PLA2G3: variants seen among roughly 807,000 people sequenced by gnomAD.
The protein encoded by PLA2G3 is group 3 secretory phospholipase A2.
In PLA2G3, 39 loss-of-function variants were observed where a neutral mutation model predicts 51.3. The observed-to-expected ratio is 0.76, with a 90% CI of 0.59 to 0.99. PLA2G3 has a LOEUF of 0.99. PLA2G3 is among the 50% of genes least tolerant of loss of function. The pLI, the probability that PLA2G3 is intolerant of heterozygous loss-of-function variation, is 0.00. For missense variants in PLA2G3, 677 were observed against 662.1 expected, an observed-to-expected ratio of 1.02 and a Z score of -0.25; for synonymous variants, 293 against 263.1, an observed-to-expected ratio of 1.11 and a Z score of -1.10.
intron 1 of PLA2G3, 91 bp downstream of exon 1, chr22:31,139,750 G>C: frequency 1.2e-6 from 1 of 845,918 alleles, no homozygotes. Flanking sequence ...ACTCCCCCAG[G>C]GACACACAGC....
chr22:31,137,753 G>A lies in PLA2G3; in HGVS notation c.1023C>T (p.Ala341=), dbSNP rs1922661680. The change falls in exon 4 of 7, where the codon GCC becomes GCT. Residue 341 remains alanine (A), a synonymous_variant. Transcript: ENST00000215885. ...CCTGTGGGCCCTGGAGGCCTGTGGG[G>A]GCCACATCAAGCCTGGGAGAGACCA... The part of the protein sequence containing the change: ...DPMVSPRLDV[A]PTGLQGPQGG... The A allele has an allele frequency of 1.2e-6, 2 of 1,613,328 alleles. No individual in the cohort carries two copies. Among genetic ancestry groups the A allele is most frequent in the Non-Finnish European group, 1.7e-6 (2 of 1,179,832 alleles).
At chr22:31,139,566 G>A (rs1326202925) in intron 1 of PLA2G3, among the ~76,000 whole-genome samples, 2 of 152,132 alleles carry the variant, frequency 1.3e-5, no homozygotes, top group African/African-American at 4.8e-5. Context: ...TTTTGGCTCA[G>A]TTGACCCTGG....
chr22:31,136,578 C>T, intron 6 of PLA2G3, 105 bp downstream of exon 6: 3 of 866,282 alleles, frequency 3.5e-6, no homozygotes, highest in Non-Finnish European at 5.7e-6. Context: ...GCTCAGAGGT[C>T]TCCGGATCCC....
rs1374392149 is a variant in PLA2G3, at chr22:31,138,350, G to A, written c.708C>T (p.Phe236=). The A allele has an allele frequency of 1.2e-6, 2 of 1,614,020 alleles. No individual in the cohort carries two copies. Among genetic ancestry groups the A allele is most frequent in the Admixed American group, 1.7e-5 (1 of 60,020 alleles). Residue 236 remains phenylalanine, a synonymous_variant, in exon 3 of 7, where the codon TTC becomes TTT. Transcript: ENST00000215885. ...DSISDIVGVA[F]FNVLEIPCFV... ...AGCAGGGGATCTCCAGCACGTTGAA[G>A]AAGGCCACGCCCACGATGTCCGAGA...
intron 2 of PLA2G3, 36 bp downstream of exon 2, chr22:31,138,631 T>G: frequency 6.2e-7 from 1 of 1,613,200 alleles, no homozygotes; most frequent in South Asian, 1.1e-5. Flanking sequence ...CTCTGCCCTG[T>G]CCCTGAGCTC....
At chr22:31,137,127 C>T (rs528943788) in intron 4 of PLA2G3, 87 bp from the exon 5 acceptor site, 97 of 1,287,236 alleles carry the variant, frequency 7.5e-5, no homozygotes, top group Non-Finnish European at 9.5e-5. Flanking sequence ...AACACCAGCA[C>T]GTGTGCTCAG....
In PLA2G3 at chr22:31,139,965, C is replaced by A. The variant is rs1208578550; in HGVS notation, c.390G>T (p.Lys130Asn). The change falls in exon 1 of 7, where the codon AAG (lysine) becomes AAT (asparagine). Residue 130 changes from lysine to asparagine, a missense_variant. By Grantham distance (94) the Lys-to-Asn change is moderately conservative. Coordinates refer to ENST00000215885, the MANE Select transcript of PLA2G3 (RefSeq NM_015715.5). Reference protein sequence around the residue: ...ALEESPAGARKKRAAGQSGVP... With the variant: ...ALEESPAGARNKRAAGQSGVP... ...CTCCACTCTGCCCTGCTGCTCGCTTCTTCCTGGCCCCTGCTGGACTCTCCT... is the reference window on the plus strand; with the variant it reads ...CTCCACTCTGCCCTGCTGCTCGCTTATTCCTGGCCCCTGCTGGACTCTCCT... The A allele has an allele frequency of 1.9e-6, 3 of 1,613,948 alleles. No individual in the cohort carries two copies. The highest frequency in any genetic ancestry group is 1.7e-6 in the Non-Finnish European group (2 of 1,180,034).
At chr22:31,136,055 CAG>C in intron 6 of PLA2G3, 119 bp from the exon 7 acceptor site, 1 of 781,010 alleles carries the variant, frequency 1.3e-6, no homozygotes, top group Non-Finnish European at 2.1e-6. Context: ...ACCAGCAAGG[CAG>C]AGAGGGGTGG....
intron 6 of PLA2G3, 44 bp from the exon 7 acceptor site, chr22:31,135,980 G>A: frequency 6.6e-7 from 1 of 1,510,714 alleles, no homozygotes; most frequent in Non-Finnish European, 9.2e-7. Flanking sequence ...GGCTGACAAG[G>A]ATCCCACCTT....
chr22:31,138,458 G>T, intron 2 of PLA2G3, 48 bp from the exon 3 acceptor site: 9 of 1,604,228 alleles, frequency 5.6e-6, no homozygotes, highest in Non-Finnish European at 7.7e-6. Context: ...AGGGCTGTCT[G>T]GCTCCTCCCA....
chr22:31,139,926 C>A lies in PLA2G3; in HGVS notation c.429G>T (p.Gly143=). Residue 143 remains glycine, a synonymous_variant, in exon 1 of 7, where the codon GGG becomes GGT. Transcript: ENST00000215885. Reference sequence around the variant, plus strand: ...TCCATCCTCTCTTCTCTCGCTGGTGCCCTCCACCAGGGACTCCACTCTGCC... The same window carrying A: ...TCCATCCTCTCTTCTCTCGCTGGTGACCTCCACCAGGGACTCCACTCTGCC... The part of the protein sequence containing the change: ...AAGQSGVPGG[G]HQREKRGWTM... 6.2e-7 allele frequency: 1 copy of A among 1,613,786 alleles called. No individual in the cohort carries two copies. The highest frequency in any genetic ancestry group is 8.5e-7 in the Non-Finnish European group (1 of 1,179,860).
At position 31,140,466 on chromosome 22, in the gene PLA2G3, C is replaced by A. The variant is rs1028805467; in HGVS notation, c.-112G>T. 1 of 1,242,556 alleles carries A rather than the reference C, an allele frequency of 8.0e-7. No homozygotes were observed. The allele number at this position is 1,242,556 out of a possible 1,614,324, so 77.0% of individuals were successfully genotyped here. A position where few individuals can be genotyped will look rare whatever the true frequency, so the allele number is the denominator to read the frequency against. On this transcript the variant is annotated 5_prime_UTR_variant, in exon 1 of 7. Transcript: ENST00000215885. ...GAAGCGGAGCCCAGCAGGCCCGGTG[C>A]GGCGGGACCAATGAATGGAGCTGCG...
intron 3 of PLA2G3, 97 bp from the exon 4 acceptor site, chr22:31,138,090 A>G (rs1206742495): frequency 1.9e-5 from 27 of 1,386,114 alleles, no homozygotes; most frequent in Admixed American, 4.9e-5. Context: ...TGCCAGTCCC[A>G]TCCCCCATCC....
Position 31,135,596 on chromosome 22 carries a change from T to C in PLA2G3, c.*127A>G. 1 of 728,016 alleles carries C rather than the reference T, an allele frequency of 1.4e-6. No homozygotes were observed. Among genetic ancestry groups the C allele is most frequent in the Non-Finnish European group, 2.4e-6 (1 of 417,740 alleles). 45.1% of individuals were successfully genotyped at this position (728,016 alleles called of 1,614,324 possible). On this transcript the variant is annotated 3_prime_UTR_variant, in exon 7 of 7. Transcript: ENST00000215885. ...GGCCTTGAGATCCCCCCATTCATCC[T>C]CTTGATTGTCCACAACAGCCTCTGC...
Position 31,138,347 on chromosome 22 carries a change from G to T in PLA2G3, c.711C>A (p.Phe237Leu). Residue 237 changes from phenylalanine (F) to leucine (L), a missense_variant, in exon 3 of 7, where the codon TTC becomes TTA. Transcript: ENST00000215885. ...CAAAGCAGGGGATCTCCAGCACGTT[G>T]AAGAAGGCCACGCCCACGATGTCCG... ...SISDIVGVAF[F>L]NVLEIPCFVL... is the part of the protein sequence containing the mutation. 1 of 1,613,990 alleles carries T rather than the reference G, an allele frequency of 6.2e-7. No homozygotes were observed. The highest frequency in any genetic ancestry group is 8.5e-7 in the Non-Finnish European group (1 of 1,179,978).
At position 31,136,714 on chromosome 22, in the gene PLA2G3, C is replaced by A. The variant is rs1446260227; in HGVS notation, c.1285G>T (p.Ala429Ser). The A allele has an allele frequency of 2.5e-6, 4 of 1,613,328 alleles. No homozygotes were observed. The highest frequency in any genetic ancestry group is 3.4e-6 in the Non-Finnish European group (4 of 1,179,774). Residue 429 changes from alanine (A) to serine (S), a missense_variant, in exon 6 of 7, where the codon GCC becomes TCC. Physicochemically the swap from Ala to Ser is moderately conservative, Grantham distance 99 (BLOSUM62 1). Coordinates refer to ENST00000215885, the MANE Select transcript of PLA2G3 (RefSeq NM_015715.5). ...CCTTCCACACAGTCCAGTGGAGGGG[C>A]CAGCTTGAAGCAGGTTGTGCCCAGC... The part of the protein sequence containing the change: ...ELLGTTCFKL[A>S]PPLDCVEGKN...
At position 31,137,817 on chromosome 22, in the gene PLA2G3, C is replaced by T. The variant is rs765885838; in HGVS notation, c.959G>A (p.Arg320His). Residue 320 changes from arginine (R) to histidine (H), a missense_variant, in exon 4 of 7, where the codon CGC (arginine) becomes CAC (histidine). Arg to His is a conservative substitution (Grantham distance 29, BLOSUM62 0). Transcript: ENST00000215885. ...KGPPHQKGSK[R>H]PSKANTTALQ... ...GGCTGTGGTGTTGGCTTTGCTGGGG[C>T]GCTTGGACCCTTTCTGATGTGGTGG... 10 of 1,613,910 alleles carry T rather than the reference C, an allele frequency of 6.2e-6. No individual in the cohort carries two copies. The highest frequency in any genetic ancestry group is 5.0e-5 in the Admixed American group (3 of 59,992).
At chr22:31,137,652 A>G in intron 4 of PLA2G3, 58 bp downstream of exon 4, 1 of 1,492,532 alleles carries the variant, frequency 6.7e-7, no homozygotes. Context: ...CCACCCCTAA[A>G]CAGAAGCAGG....
chr22:31,136,638 C>A (rs770771321), intron 6 of PLA2G3, 45 bp downstream of exon 6: 1 of 1,522,758 alleles, frequency 6.6e-7, no homozygotes. Flanking sequence ...GGCAACCCAC[C>A]CTTTGAGAAA....
Sources: gnomAD v4.1 joint callset for allele counts (sites outside exome capture counted in the v4.1 genomes callset) on GRCh38, gnomAD v4.1.1 for gene constraint, MANE v1.5 for transcripts, NCBI Gene and HGNC (gene_info 2026-07-23, HGNC 2026-07-21) for gene names.